The following ATXN3 variants were observed in gnomAD, a reference collection of about 807,000 sequenced individuals.
ATXN3 encodes ataxin 3, also known as ataxin-3.
A neutral mutation model predicts 58.2 loss-of-function variants in ATXN3; 28 were observed. The ratio of observed to expected loss-of-function variants is 0.48; its 90% CI spans 0.36 to 0.66. The LOEUF (loss-of-function observed/expected upper bound fraction) is 0.66. Ranked by LOEUF, ATXN3 falls within the 30% of genes least tolerant of loss-of-function variation. The probability of loss-of-function intolerance (pLI) is 0.00; values close to 1 mark genes in which losing one functional copy is unlikely to be tolerated. For missense variants in ATXN3, 321 were observed against 422.1 expected (o/e 0.76, Z 2.10); for synonymous variants, 113 against 138.5 (o/e 0.82, Z 1.29).
chr14:92,044,865 T>A (rs937274385), exon 3 of ATXN3: 2 of 152,158 alleles, frequency 1.3e-5, no homozygotes, highest in African/African-American at 4.8e-5. Flanking sequence ...GATGACTAAG[T>A]AGGGTCCAGT....
rs752537367 is a variant in ATXN3, at chr14:92,081,040, T to C, written c.797A>G (p.Gln266Arg). 1 of 1,610,120 alleles carries C rather than the reference T, an allele frequency of 6.2e-7. No homozygotes were observed. The highest frequency in any genetic ancestry group is 1.1e-5 in the South Asian group (1 of 90,946). ...SMQGSSRNIS[Q>R]DMTQTSGTNL... ...TGTACCTGATGTCTGTGTCATATCT[T>C]GAGATATGTTTCTGGAACTACCTGA... is the stretch of plus-strand genomic sequence containing the variant. Residue 266 changes from glutamine to arginine, a missense_variant, in exon 9 of 11, where the codon CAA (glutamine) becomes CGA (arginine). Physicochemically the swap from Gln to Arg is conservative, Grantham distance 43. This residue lies in a region of ATXN3 where 200 missense variants were observed against 223.2 expected (regional missense o/e 0.90). Transcript: ENST00000644486.
intron 3 of ATXN3, 135 bp from the exon 4 acceptor site, chr14:92,093,966 CAG>C: frequency 1.9e-6 from 1 of 521,406 alleles, no homozygotes. Flanking sequence ...TTTTTTGTGA[CAG>C]AGTCTTGCTC....
intron 1 of ATXN3, 140 bp from the exon 2 acceptor site, chr14:92,096,978 G>A (rs1005299156): frequency 1.6e-5 from 11 of 695,034 alleles, no homozygotes; most frequent in Non-Finnish European, 1.9e-5. Flanking sequence ...CGCTATCTTG[G>A]CTCACTGCAA....
At chr14:92,048,832 A>G (rs1288809628) in intron 1 of ATXN3, among the ~76,000 whole-genome samples, 7 of 152,120 alleles carry the variant, frequency 4.6e-5, no homozygotes, top group Admixed American at 1.3e-4. Flanking sequence ...AGATGAGTCC[A>G]TAGAAAAGGA....
intron 9 of ATXN3, among the ~76,000 whole-genome samples, chr14:92,074,692 T>C (rs2060039149): frequency 6.6e-6 from 1 of 152,220 alleles, no homozygotes; most frequent in African/African-American, 2.4e-5. Context: ...TATTAAGTAT[T>C]TTCCTCTTTA....
chr14:92,099,896 AAGAC>A (rs201457134), intron 1 of ATXN3, among the ~76,000 whole-genome samples: 41,507 of 148,290 alleles, frequency 0.28, 5,963 homozygotes, highest in Admixed American at 0.36. Flanking sequence ...ACAAGAAAGA[AAGAC>A]AGAAAGAAAG....
At chr14:92,066,446 C>CA (rs565559987) in intron 10 of ATXN3, among the ~76,000 whole-genome samples, 7 of 145,054 alleles carry the variant, frequency 4.8e-5, no homozygotes, top group African/African-American at 1.8e-4. Context: ...CCTGATGTTC[C>CA]AAAATTACTT....
At chr14:92,089,586 C>T (rs1323636384) in intron 5 of ATXN3, among the ~76,000 whole-genome samples, 5 of 152,086 alleles carry the variant, frequency 3.3e-5, no homozygotes, top group Non-Finnish European at 7.4e-5. Flanking sequence ...GATCCGCCCG[C>T]CTAGGCCTCC....
chr14:92,084,933 C>T (rs773946774), intron 6 of ATXN3, among the ~76,000 whole-genome samples: 19 of 152,242 alleles, frequency 1.2e-4, no homozygotes, highest in Non-Finnish European at 1.3e-4. Flanking sequence ...TGGATTAACA[C>T]ATAATGGGAC....
At chr14:92,054,730 G>A (rs979404192), downstream of ATXN3, among the ~76,000 whole-genome samples, 6 of 152,014 alleles carry the variant, frequency 3.9e-5, no homozygotes, top group Non-Finnish European at 8.8e-5. Flanking sequence ...GTCTGGATCC[G>A]GACCCCTTTC....
intron 6 of ATXN3, 191 bp from the exon 7 acceptor site, chr14:92,083,449 T>G: frequency 1.5e-6 from 1 of 684,846 alleles, no homozygotes; most frequent in South Asian, 1.5e-5. Context: ...TTACTTAAAG[T>G]CTCTGAGCCT....
chr14:92,082,323 C>T lies in ATXN3; in HGVS notation c.752G>A (p.Arg251Lys). The change falls in exon 8 of 11, where the codon AGG becomes AAG. Residue 251 changes from arginine (R) to lysine (K), a missense_variant. Arg to Lys is a conservative substitution (Grantham distance 26). Transcript: ENST00000644486. ...ACCTTGCATACTTAGCTGAATAGCC[C>T]TGCGGAGATCTGCTTCCTCATCTTC... Reference protein sequence around the residue: ...DMEDEEADLRRAIQLSMQGSS... With the variant: ...DMEDEEADLRKAIQLSMQGSS... The T allele has an allele frequency of 3.1e-6, 5 of 1,614,106 alleles. No homozygotes were observed. Among genetic ancestry groups the T allele is most frequent in the Non-Finnish European group, 3.4e-6 (4 of 1,180,008 alleles).
At chr14:92,078,291 A>G (rs2060799188) in intron 9 of ATXN3, among the ~76,000 whole-genome samples, 1 of 151,276 alleles carries the variant, frequency 6.6e-6, no homozygotes, top group Admixed American at 6.6e-5. Context: ...GCCAATTTTG[A>G]TATTTCTTAA....
At chr14:92,105,366 T>C (rs2068034232) in intron 1 of ATXN3, among the ~76,000 whole-genome samples, 1 of 152,194 alleles carries the variant, frequency 6.6e-6, no homozygotes, top group Non-Finnish European at 1.5e-5. Context: ...CAGTGAGCCA[T>C]GATCTCTCCA....
At chr14:92,056,618 G>A (rs902345354), downstream of ATXN3, among the ~76,000 whole-genome samples, 3 of 152,206 alleles carry the variant, frequency 2.0e-5, no homozygotes, top group Admixed American at 6.5e-5. Flanking sequence ...GGAAGGATAG[G>A]GAGCCATACT....
intron 10 of ATXN3, 139 bp downstream of exon 10, chr14:92,070,793 TTAG>T (rs1275221199): frequency 6.6e-7 from 1 of 1,505,160 alleles, no homozygotes; most frequent in Admixed American, 2.0e-5. Context: ...CCAGGGAAAT[TTAG>T]TAGATTACAA....
upstream of ATXN3, among the ~76,000 whole-genome samples, chr14:92,051,490 C>T (rs139619534): frequency 3.9e-3 from 592 of 152,140 alleles, 4 homozygotes; most frequent in Non-Finnish European, 5.1e-3. Context: ...TTGTTTTCTT[C>T]CAAGAAGCTT....
At chr14:92,097,474 C>T (rs912070708) in intron 1 of ATXN3, among the ~76,000 whole-genome samples, 4 of 151,692 alleles carry the variant, frequency 2.6e-5, no homozygotes, top group African/African-American at 9.7e-5. Flanking sequence ...GATCCGCCTG[C>T]CTCGGCCTCC....
At chr14:92,049,126 A>C (rs576090650) in intron 1 of ATXN3, among the ~76,000 whole-genome samples, 1 of 152,282 alleles carries the variant, frequency 6.6e-6, no homozygotes, top group African/African-American at 2.4e-5. Context: ...TAAGGCTTTT[A>C]GGTTTTAGGT....
Sources: allele counts gnomAD v4.1 joint callset (sites outside exome capture counted in the v4.1 genomes callset), GRCh38; gene constraint gnomAD v4.1.1; regional missense constraint gnomAD v4.1.1; transcripts MANE v1.5; gene names NCBI Gene and HGNC (gene_info 2026-07-23, HGNC 2026-07-21).